SSH2: variants seen among roughly 807,000 people sequenced by gnomAD.
SSH2 encodes protein phosphatase Slingshot homolog 2.
SSH2 carries 37 observed loss-of-function variants against 135.2 expected under a neutral mutation model. That is an observed-to-expected ratio of 0.27 (90% CI 0.21 to 0.36). The LOEUF (loss-of-function observed/expected upper bound fraction) is 0.36. Among genes scored for constraint, SSH2 ranks in the 10% least tolerant of loss-of-function variants. The pLI is 1.00. For synonymous variants in SSH2, 628 were observed against 646.2 expected (o/e 0.97, Z 0.43); for missense variants, 1,408 against 1,765.3 (o/e 0.80, Z 3.63).
chr17:29,675,656 C>CGTAGTGG (rs2037678607), intron 8 of SSH2, among the ~76,000 whole-genome samples: 1 of 151,940 alleles, frequency 6.6e-6, no homozygotes. Flanking sequence ...AAAAAATTAG[C>CGTAGTGG]CAGGTGTAGT....
At chr17:29,908,949 T>C (rs993970673) in intron 1 of SSH2, among the ~76,000 whole-genome samples, 4 of 150,924 alleles carry the variant, frequency 2.7e-5, no homozygotes, top group Non-Finnish European at 4.4e-5. Context: ...TGGTGGCGGG[T>C]GCCTGTAGTC....
At chr17:29,898,319 C>CA (rs1226776317) in intron 1 of SSH2, among the ~76,000 whole-genome samples, 2 of 151,844 alleles carry the variant, frequency 1.3e-5, no homozygotes, top group East Asian at 1.9e-4. Context: ...AAAAACCCTT[C>CA]AAAAAATCAA....
chr17:29,850,304 C>T (rs2065532000), intron 1 of SSH2, among the ~76,000 whole-genome samples: 1 of 152,158 alleles, frequency 6.6e-6, no homozygotes, highest in Non-Finnish European at 1.5e-5. Flanking sequence ...GTTTAGCTAA[C>T]AGCAGCTGGA....
At chr17:29,638,351 C>G (rs7342823) in intron 14 of SSH2, among the ~76,000 whole-genome samples, 1 of 146,940 alleles carries the variant, frequency 6.8e-6, no homozygotes, top group African/African-American at 2.5e-5. Flanking sequence ...ACAAGGTATA[C>G]TATTCAGTAA....
intron 14 of SSH2, chr17:29,643,195 T>C: frequency 1.0e-6 from 1 of 985,358 alleles, no homozygotes; most frequent in Non-Finnish European, 1.2e-6. Flanking sequence ...GAGTGGTACT[T>C]TGGTGCTGGG....
intron 1 of SSH2, among the ~76,000 whole-genome samples, chr17:29,915,898 T>C (rs2066872820): frequency 1.3e-5 from 2 of 151,844 alleles, no homozygotes; most frequent in African/African-American, 2.4e-5. Flanking sequence ...GTTACATATG[T>C]ATACATGTGC....
intron 3 of SSH2, among the ~76,000 whole-genome samples, chr17:29,729,752 G>A (rs188329344): frequency 5.9e-5 from 9 of 152,244 alleles, no homozygotes; most frequent in African/African-American, 2.2e-4. Context: ...TGGACTGGAG[G>A]TCATTATGTT....
At chr17:29,915,339 G>T (rs1239631500) in intron 1 of SSH2, among the ~76,000 whole-genome samples, 2 of 152,152 alleles carry the variant, frequency 1.3e-5, no homozygotes, top group East Asian at 1.9e-4. Context: ...AATTTCAACT[G>T]CCAACTGCTC....
At chr17:29,643,255 T>C in intron 14 of SSH2, 2 of 985,332 alleles carry the variant, frequency 2.0e-6, no homozygotes, top group Non-Finnish European at 2.4e-6. Flanking sequence ...AGTACCAAGG[T>C]GTCCTAATAA....
intron 3 of SSH2, among the ~76,000 whole-genome samples, chr17:29,718,204 T>C (rs1035051097): frequency 3.3e-5 from 5 of 152,208 alleles, no homozygotes; most frequent in African/African-American, 1.2e-4. Flanking sequence ...ATTCCTTCTA[T>C]GTTTCTGACT....
rs138275207 is a variant in SSH2 at position 29,631,201 on chromosome 17, G to A, written c.3993C>T (p.Asp1331=). 6.2e-7 allele frequency: 1 copy of A among 1,614,110 alleles called. No individual in the cohort carries two copies. The highest frequency in any genetic ancestry group is 2.2e-5 in the East Asian group (1 of 44,892). The change falls in exon 16 of 16, where the codon GAC becomes GAT. Residue 1331 remains aspartate (D), a synonymous_variant. Coordinates refer to ENST00000540801, the MANE Select transcript of SSH2 (RefSeq NM_001282129.2). ...CACCTGGGTTTTCTAGGGACTCTTG[G>A]TCCTCCATCGCGTGCATGCCTGAGT... The part of the protein sequence containing the change: ...RTDSGMHAME[D]QESLENPGAP...
chr17:29,898,705 G>A (rs1265454007), intron 1 of SSH2, among the ~76,000 whole-genome samples: 1 of 151,976 alleles, frequency 6.6e-6, no homozygotes, highest in African/African-American at 2.4e-5. Flanking sequence ...AGAGGTACAA[G>A]GAGGAGCTGG....
chr17:29,722,343 C>T (rs1482109132), intron 3 of SSH2, among the ~76,000 whole-genome samples: 1 of 150,434 alleles, frequency 6.6e-6, no homozygotes. Context: ...ATCCTTCACA[C>T]ATGTTATATG....
intron 3 of SSH2, among the ~76,000 whole-genome samples, chr17:29,745,422 A>C (rs1236443738): frequency 6.6e-6 from 1 of 152,218 alleles, no homozygotes; most frequent in East Asian, 1.9e-4. Context: ...GGCCTCTGAA[A>C]GTGCTGGGAT....
intron 2 of SSH2, among the ~76,000 whole-genome samples, chr17:29,813,344 C>T (rs2042483001): frequency 6.6e-6 from 1 of 151,868 alleles, no homozygotes; most frequent in African/African-American, 2.4e-5. Context: ...GGTTGCGCAC[C>T]ACTGCACTCC....
intron 14 of SSH2, among the ~76,000 whole-genome samples, chr17:29,640,070 T>C (rs1458002682): frequency 6.6e-6 from 1 of 151,342 alleles, no homozygotes; most frequent in Non-Finnish European, 1.5e-5. Context: ...TCCTCCAAAG[T>C]ATGTTTTTTT....
chr17:29,881,444 T>C (rs1389252477), intron 1 of SSH2, among the ~76,000 whole-genome samples: 1 of 152,016 alleles, frequency 6.6e-6, no homozygotes, highest in African/African-American at 2.4e-5. Context: ...CTGTCTTTCT[T>C]TTGTTTGTTC....
rs114968155 is a variant in SSH2, at chr17:29,784,835, C to T, written c.188+9059G>A. 3.1e-3 allele frequency among the ~76,000 whole-genome samples: 474 copies of T among 152,222 alleles called. 4 individuals are homozygous for T. The highest frequency in any genetic ancestry group is 0.011 in the African/African-American group (462 of 41,558). ...TCCCCACTCTCCTATGTTTGGAATG[C>T]TACCCTTTTCTTCTGTTCTCCTATC... On this transcript the variant is annotated intron_variant, in intron 3 of 15. Transcript: ENST00000540801.
At chr17:29,903,157 G>A (rs948490205) in intron 1 of SSH2, among the ~76,000 whole-genome samples, 1 of 151,376 alleles carries the variant, frequency 6.6e-6, no homozygotes, top group South Asian at 2.1e-4. Flanking sequence ...CTGCATTCCA[G>A]CCTGGGCAAA....
Sources: gnomAD v4.1 joint callset for allele counts (sites outside exome capture counted in the v4.1 genomes callset) on GRCh38, gnomAD v4.1.1 for gene constraint, MANE v1.5 for transcripts, NCBI Gene and HGNC (gene_info 2026-07-23, HGNC 2026-07-21) for gene names.